Variants in MPPED1 observed in about 807,000 individuals in gnomAD.
MPPED1 encodes metallophosphoesterase domain containing 1.
Under a neutral mutation model 36.2 loss-of-function variants are expected in MPPED1, and 16 were observed. The observed-to-expected ratio is 0.44, with a 90% CI of 0.30 to 0.67. MPPED1 has a LOEUF of 0.67. Among genes scored for constraint, MPPED1 ranks in the 30% least tolerant of loss-of-function variants. The pLI is 0.10. For synonymous variants in MPPED1, 199 were observed against 191.3 expected, an observed-to-expected ratio of 1.04 and a Z score of -0.33; for missense variants, 307 against 453.4, an observed-to-expected ratio of 0.68 and a Z score of 2.93.
intron 4 of MPPED1, among the ~76,000 whole-genome samples, chr22:43,495,984 AGAT>A (rs1478779543): frequency 1.5e-4 from 11 of 71,014 alleles, no homozygotes; most frequent in Non-Finnish European, 2.1e-4. Flanking sequence ...GTGGTGGTGG[AGAT>A]GGTGGTGGTG....
At chr22:43,463,859 C>CT (rs1299461389) in intron 3 of MPPED1, among the ~76,000 whole-genome samples, 1 of 109,718 alleles carries the variant, frequency 9.1e-6, no homozygotes, top group Non-Finnish European at 2.0e-5. Flanking sequence ...TTCTTTCTTT[C>CT]TTTCTTTCTT....
chr22:43,438,693 A>G (rs1930048183), intron 3 of MPPED1, among the ~76,000 whole-genome samples: 2 of 151,832 alleles, frequency 1.3e-5, no homozygotes, highest in Admixed American at 6.6e-5. Context: ...CTGATTTTCT[A>G]TAGGGGAGGG....
At chr22:43,496,877 A>G (rs866642586) in intron 4 of MPPED1, among the ~76,000 whole-genome samples, 5 of 100 alleles carry the variant, frequency 0.05, no homozygotes, top group East Asian at 0.17. Flanking sequence ...GGTGGTGGAG[A>G]TGGTGGTGGT....
At chr22:43,472,974 C>G (rs1931427625) in intron 3 of MPPED1, among the ~76,000 whole-genome samples, 1 of 152,220 alleles carries the variant, frequency 6.6e-6, no homozygotes, top group Admixed American at 6.5e-5. Flanking sequence ...GAGGCGAGCT[C>G]TTCCTAGAGT....
chr22:43,433,244 C>G (rs1929829189), intron 2 of MPPED1, among the ~76,000 whole-genome samples: 1 of 152,064 alleles, frequency 6.6e-6, no homozygotes, highest in Non-Finnish European at 1.5e-5. Context: ...CAGGTTAGGG[C>G]CTTCTCTGCG....
chr22:43,472,771 G>A (rs905925841), intron 3 of MPPED1, among the ~76,000 whole-genome samples: 1 of 147,980 alleles, frequency 6.8e-6, no homozygotes, highest in Non-Finnish European at 1.5e-5. Flanking sequence ...CTGGCCATTT[G>A]CCGTGGCCAT....
chr22:43,483,934 C>T (rs80255070), intron 4 of MPPED1, among the ~76,000 whole-genome samples: 4,948 of 152,318 alleles, frequency 0.032, 131 homozygotes, highest in Admixed American at 0.064. Context: ...CAGTGGGGGC[C>T]TTTTCTGTTC....
chr22:43,499,542 T>A, intron 5 of MPPED1, among the ~76,000 whole-genome samples: 1 of 95,994 alleles, frequency 1.0e-5, no homozygotes, highest in South Asian at 4.1e-4. Context: ...GTGGTGGTGA[T>A]GGTGGGTGGT....
At chr22:43,477,772 T>C (rs11912568) in intron 4 of MPPED1, among the ~76,000 whole-genome samples, 10,729 of 152,182 alleles carry the variant, frequency 0.071, 423 homozygotes, top group Middle Eastern at 0.11. Flanking sequence ...ACAAGGGCCT[T>C]TGGGTACTGG....
chr22:43,485,517 TCA>T (rs1427323817), intron 4 of MPPED1, among the ~76,000 whole-genome samples: 2 of 151,242 alleles, frequency 1.3e-5, no homozygotes, highest in East Asian at 1.9e-4. Flanking sequence ...TCATACACAT[TCA>T]CACACACACA....
intron 3 of MPPED1, among the ~76,000 whole-genome samples, chr22:43,444,282 GT>G (rs1930254952): frequency 0.039 from 538 of 13,624 alleles, 2 homozygotes; most frequent in Middle Eastern, 0.083. Flanking sequence ...CCACTGGGGT[GT>G]GTGTGTGTGT....
intron 1 of MPPED1, among the ~76,000 whole-genome samples, chr22:43,414,749 A>G (rs1250762564): frequency 1.3e-5 from 2 of 152,132 alleles, no homozygotes; most frequent in African/African-American, 2.4e-5. Flanking sequence ...ACCGGGAACA[A>G]AAAAGGGTCT....
intron 3 of MPPED1, among the ~76,000 whole-genome samples, chr22:43,450,131 T>C (rs2146852971): frequency 6.6e-6 from 1 of 152,266 alleles, no homozygotes; most frequent in Non-Finnish European, 1.5e-5. Flanking sequence ...TCCCTCCCAC[T>C]CAGTGTTCTC....
chr22:43,424,809 TC>T lies in MPPED1; in HGVS notation c.-78-93del, dbSNP rs201057098. 8.3e-4 allele frequency: 1,160 copies of T among 1,397,190 alleles called. 13 individuals are homozygous for T. The African/African-American group carries it at 0.015, about 18-fold the overall frequency. The allele number at this position is 1,397,190 out of a possible 1,614,324, so 86.5% of individuals were successfully genotyped here. On this transcript the variant is annotated intron_variant, in intron 1 of 6. Coordinates refer to ENST00000443721, the MANE Select transcript of MPPED1 (RefSeq NM_001044370.2). ...TGTACGACTGTGTTTTTTTTTCCTC[TC>T]CCCCCGCCCTCTCCCTCTTTCTAAA...
At chr22:43,465,534 G>T (rs1204549493) in intron 3 of MPPED1, among the ~76,000 whole-genome samples, 4 of 152,230 alleles carry the variant, frequency 2.6e-5, no homozygotes, top group African/African-American at 9.6e-5. Context: ...CAAGGCAGGG[G>T]CCTCGAAGGG....
chr22:43,494,398 C>T (rs570702303), intron 4 of MPPED1, among the ~76,000 whole-genome samples: 1 of 152,248 alleles, frequency 6.6e-6, no homozygotes, highest in South Asian at 2.1e-4. Context: ...TCCTTGGCCA[C>T]ACTGTTGTGG....
chr22:43,429,973 C>T (rs739019), intron 2 of MPPED1, among the ~76,000 whole-genome samples: 10,067 of 152,140 alleles, frequency 0.066, 514 homozygotes, highest in African/African-American at 0.14. Context: ...TCCCCTTGGA[C>T]GCAGTGCTTT....
chr22:43,477,208 C>T (rs1314834097), intron 4 of MPPED1, among the ~76,000 whole-genome samples: 2 of 152,202 alleles, frequency 1.3e-5, no homozygotes, highest in African/African-American at 2.4e-5. Context: ...GGCCCTGTGC[C>T]AGGCTCTTCT....
chr22:43,470,825 C>G (rs939651736), intron 3 of MPPED1, among the ~76,000 whole-genome samples: 1 of 152,224 alleles, frequency 6.6e-6, no homozygotes, highest in Non-Finnish European at 1.5e-5. Flanking sequence ...ATTGCCAAGT[C>G]CAGGTGGACA....
Sources: allele counts gnomAD v4.1 joint callset (sites outside exome capture counted in the v4.1 genomes callset), GRCh38; gene constraint gnomAD v4.1.1; transcripts MANE v1.5; gene names NCBI Gene and HGNC (gene_info 2026-07-23, HGNC 2026-07-21).